PTGR1: variants seen among roughly 807,000 people sequenced by gnomAD.
PTGR1 encodes prostaglandin reductase 1.
A neutral mutation model predicts 37.7 loss-of-function variants in PTGR1; 23 were observed. The ratio of observed to expected loss-of-function variants is 0.61; its 90% CI spans 0.44 to 0.86. The LOEUF (loss-of-function observed/expected upper bound fraction) is 0.86, where lower values mean the gene tolerates loss of function less well. Among genes scored for constraint, PTGR1 ranks in the 40% least tolerant of loss-of-function variants. The pLI is 0.00. For synonymous variants in PTGR1, 134 were observed against 140.0 expected, an observed-to-expected ratio of 0.96 and a Z score of 0.30; for missense variants, 351 against 394.3, an observed-to-expected ratio of 0.89 and a Z score of 0.93.
intron 6 of PTGR1, among the ~76,000 whole-genome samples, chr9:111,581,114 T>C (rs779802694): frequency 2.0e-5 from 3 of 152,224 alleles, no homozygotes; most frequent in Admixed American, 6.5e-5. Context: ...TCCTAGAATA[T>C]GAGGAGCCTC....
intron 6 of PTGR1, 45 bp downstream of exon 6, chr9:111,583,427 C>T: frequency 6.8e-6 from 10 of 1,480,128 alleles, no homozygotes; most frequent in South Asian, 1.1e-5. Flanking sequence ...GTTGCATTCC[C>T]AATGGGTTTT....
intron 4 of PTGR1, among the ~76,000 whole-genome samples, chr9:111,586,799 C>CTA (rs1389669780): frequency 2.6e-4 from 38 of 148,154 alleles, no homozygotes; most frequent in East Asian, 6.0e-4. Context: ...CTCTCTCTCT[C>CTA]TCTCTATATA....
At chr9:111,592,666 C>T in intron 4 of PTGR1, 1 of 387,388 alleles carries the variant, frequency 2.6e-6, no homozygotes, top group Non-Finnish European at 4.5e-6. Context: ...TAAATCATGA[C>T]CTGGACAAAT....
intron 6 of PTGR1, among the ~76,000 whole-genome samples, chr9:111,580,293 C>A (rs1200900043): frequency 6.6e-6 from 1 of 152,128 alleles, no homozygotes; most frequent in Non-Finnish European, 1.5e-5. Context: ...AGGGAATATA[C>A]TTTTTTCCTT....
At chr9:111,550,862 T>TCA (rs1318515573) in intron 9 of PTGR1, among the ~76,000 whole-genome samples, 1 of 152,214 alleles carries the variant, frequency 6.6e-6, no homozygotes, top group Non-Finnish European at 1.5e-5. Flanking sequence ...AATTATAGTG[T>TCA]CTTTCTGTGT....
intron 4 of PTGR1, among the ~76,000 whole-genome samples, chr9:111,587,404 T>C (rs986528138): frequency 9.9e-5 from 15 of 152,188 alleles, no homozygotes; most frequent in Admixed American, 6.5e-4. Flanking sequence ...TTGGGTGTAT[T>C]TTCTGTCAAT....
intron 1 of PTGR1, among the ~76,000 whole-genome samples, chr9:111,598,802 T>A (rs1829857686): frequency 6.6e-6 from 1 of 151,848 alleles, no homozygotes; most frequent in Non-Finnish European, 1.5e-5. Flanking sequence ...GCCCTACGTA[T>A]CATTTTTACG....
At chr9:111,566,258 C>T (rs762306787) in intron 9 of PTGR1, among the ~76,000 whole-genome samples, 1 of 152,186 alleles carries the variant, frequency 6.6e-6, no homozygotes, top group Non-Finnish European at 1.5e-5. Context: ...ATCAGCTTCA[C>T]TTTGTTAGAG....
rs1487570179 is a variant in PTGR1 at position 111,574,780 on chromosome 9, T to C, written c.714A>G (p.Ile238Met). Residue 238 changes from isoleucine to methionine, a missense_variant, in exon 8 of 10, where the codon ATA becomes ATG. Coordinates refer to ENST00000407693, the MANE Select transcript of PTGR1 (RefSeq NM_001146108.2). ...GQMKKFGRIA[I>M]CGAISTYNRT... ...TGTTATATGTAGAGATGGCTCCACA[T>C]ATGGCAATCCTTCCAAATTTCTTCA... The C allele has an allele frequency of 2.5e-6, 4 of 1,614,042 alleles. No homozygotes were observed. The Admixed American group carries it at 5.0e-5, about 20-fold the overall frequency.
At chr9:111,580,143 T>C (rs1426438394) in intron 6 of PTGR1, among the ~76,000 whole-genome samples, 1 of 152,202 alleles carries the variant, frequency 6.6e-6, no homozygotes. Flanking sequence ...TTTATGCAGA[T>C]TATTAATTAA....
intron 9 of PTGR1, chr9:111,564,224 A>T (rs1828443854): frequency 1.8e-6 from 2 of 1,081,372 alleles, no homozygotes; most frequent in African/African-American, 3.4e-5. Flanking sequence ...TATAGACAAG[A>T]TTATTTGCTT....
chr9:111,558,654 A>T (rs965700149), downstream of PTGR1, among the ~76,000 whole-genome samples: 1 of 152,230 alleles, frequency 6.6e-6, no homozygotes, highest in African/African-American at 2.4e-5. Context: ...TTGCTATTGG[A>T]GTGTCACTAC....
chr9:111,555,880 T>C (rs1461503404), intron 9 of PTGR1, among the ~76,000 whole-genome samples: 4 of 152,216 alleles, frequency 2.6e-5, no homozygotes. Flanking sequence ...GCAAATCTCA[T>C]GTCCTTTCTC....
At chr9:111,576,558 T>A (rs1829063634) in intron 7 of PTGR1, 1 of 1,014,104 alleles carries the variant, frequency 9.9e-7, no homozygotes, top group African/African-American at 1.6e-5. Context: ...GCTAGTGGAG[T>A]GGCCATAGGC....
At chr9:111,576,524 T>C in intron 7 of PTGR1, 1 of 1,448,156 alleles carries the variant, frequency 6.9e-7, no homozygotes, top group Non-Finnish European at 9.5e-7. Context: ...GGATGGAGTA[T>C]GAATCCCAAC....
At chr9:111,561,408 T>C (rs1382266955), downstream of PTGR1, among the ~76,000 whole-genome samples, 1 of 152,046 alleles carries the variant, frequency 6.6e-6, no homozygotes, top group African/African-American at 2.4e-5. Context: ...CCCAAGTAGC[T>C]GGGACTATAG....
intron 9 of PTGR1, among the ~76,000 whole-genome samples, chr9:111,565,907 A>G (rs1367748187): frequency 2.6e-5 from 4 of 151,996 alleles, no homozygotes; most frequent in African/African-American, 9.7e-5. Context: ...AATTAGGCCA[A>G]CTCACGACTT....
At chr9:111,596,480 G>A (rs1293745938) in intron 2 of PTGR1, among the ~76,000 whole-genome samples, 1 of 152,036 alleles carries the variant, frequency 6.6e-6, no homozygotes, top group Admixed American at 6.6e-5. Flanking sequence ...GCCGGGCACT[G>A]TGGCTCACGC....
At chr9:111,587,106 C>T (rs1180501953) in intron 4 of PTGR1, among the ~76,000 whole-genome samples, 2 of 152,064 alleles carry the variant, frequency 1.3e-5, no homozygotes, top group Admixed American at 6.5e-5. Flanking sequence ...TAAGCCACTG[C>T]GCCCAGCCTA....
Sources: allele counts gnomAD v4.1 joint callset (sites outside exome capture counted in the v4.1 genomes callset), GRCh38; gene constraint gnomAD v4.1.1; transcripts MANE v1.5; gene names NCBI Gene and HGNC (gene_info 2026-07-23, HGNC 2026-07-21).